The following RABEP1 variants were observed in gnomAD, a reference collection of about 807,000 sequenced individuals.
The protein encoded by RABEP1 is rab GTPase-binding effector protein 1.
Under a neutral mutation model 123.4 loss-of-function variants are expected in RABEP1, and 51 were observed. That is an observed-to-expected ratio of 0.41 (90% CI 0.33 to 0.52). The LOEUF (loss-of-function observed/expected upper bound fraction) is 0.52. Ranked by LOEUF, RABEP1 falls within the 20% of genes least tolerant of loss-of-function variation. The pLI is 0.16. For synonymous variants in RABEP1, 347 were observed against 355.2 expected, an observed-to-expected ratio of 0.98 and a Z score of 0.26; for missense variants, 888 against 996.3, an observed-to-expected ratio of 0.89 and a Z score of 1.46.
intron 4 of RABEP1, among the ~76,000 whole-genome samples, chr17:5,337,391 A>G (rs1302850417): frequency 6.6e-6 from 1 of 152,182 alleles, no homozygotes; most frequent in Non-Finnish European, 1.5e-5. Context: ...AATTTTAAAA[A>G]TTATTTATTA....
chr17:5,326,251 C>T (rs527766326), intron 2 of RABEP1, among the ~76,000 whole-genome samples: 16 of 152,206 alleles, frequency 1.1e-4, no homozygotes, highest in African/African-American at 3.4e-4. Flanking sequence ...AGATGTCCTT[C>T]AATAGGTTAA....
chr17:5,343,633 CTTG>C (rs891433427), intron 5 of RABEP1, among the ~76,000 whole-genome samples: 1 of 149,266 alleles, frequency 6.7e-6, no homozygotes, highest in African/African-American at 2.5e-5. Context: ...CTCTCTCCAC[CTTG>C]TTGTCTTCAA....
intron 2 of RABEP1, among the ~76,000 whole-genome samples, chr17:5,311,193 G>T (rs559375170): frequency 6.6e-6 from 1 of 152,292 alleles, no homozygotes; most frequent in African/African-American, 2.4e-5. Context: ...ACTCACTAGG[G>T]CACTGGGATC....
chr17:5,386,147 A>G lies in RABEP1; in HGVS notation c.*2924A>G, dbSNP rs374583037. 9 of 1,275,208 alleles carry G rather than the reference A, an allele frequency of 7.1e-6. No homozygotes were observed. The highest frequency in any genetic ancestry group is 4.4e-5 in the Admixed American group (2 of 45,968). The allele number at this position is 1,275,208 out of a possible 1,614,324, so 79.0% of individuals were successfully genotyped here. Reference sequence around the variant, plus strand: ...AATTAGATAATTCTACCTGTTTTACAATATGGGTTTAAGCCTTCAATGGTG... The same window carrying G: ...AATTAGATAATTCTACCTGTTTTACGATATGGGTTTAAGCCTTCAATGGTG... On this transcript the variant is annotated 3_prime_UTR_variant, in exon 18 of 18. Transcript: ENST00000537505.
At chr17:5,340,122 A>G (rs994733124) in intron 5 of RABEP1, among the ~76,000 whole-genome samples, 1 of 152,238 alleles carries the variant, frequency 6.6e-6, no homozygotes, top group African/African-American at 2.4e-5. Flanking sequence ...AATTATTAGT[A>G]GAGCTATAGA....
At position 5,381,442 on chromosome 17, in the gene RABEP1, G is replaced by A. The variant is rs373053621; in HGVS notation, c.2424G>A (p.Gln808=). The A allele has an allele frequency of 1.2e-6, 2 of 1,613,568 alleles. No individual in the cohort carries two copies. Among genetic ancestry groups the A allele is most frequent in the African/African-American group, 2.7e-5 (2 of 74,910 alleles). The part of the protein sequence containing the change: ...FEEKNKAQRL[Q]TELDVSEQVQ... ...AGAAGAATAAAGCTCAGAGATTACA[G>A]ACAGAATTAGATGTCAGTGAGCAAG... is the stretch of plus-strand genomic sequence containing the variant. The change falls in exon 17 of 18, where the codon CAG becomes CAA. Residue 808 remains glutamine (Q), a synonymous_variant. Coordinates refer to ENST00000537505, the MANE Select transcript of RABEP1 (RefSeq NM_004703.6).
intron 1 of RABEP1, among the ~76,000 whole-genome samples, chr17:5,303,388 C>T (rs1469499139): frequency 2.0e-5 from 3 of 152,042 alleles, no homozygotes; most frequent in African/African-American, 7.2e-5. Flanking sequence ...ATGACAGGCA[C>T]GCACTATCAC....
Position 5,354,471 on chromosome 17 carries a change from C to T in RABEP1, c.1076C>T (p.Ala359Val). ...VCALTQEESS[A>V]QLSNEEEHLD... is the part of the protein sequence containing the mutation. ...GCTTTAACTCAAGAAGAATCTTCAG[C>T]CCAGTTATCAAATGAAGAGGTATAG... The change falls in exon 8 of 18, where the codon GCC (alanine) becomes GTC (valine). Residue 359 changes from alanine (A) to valine (V), a missense_variant. Transcript: ENST00000537505. 1.2e-6 allele frequency: 2 copies of T among 1,611,090 alleles called. No homozygotes were observed.
Position 5,380,425 on chromosome 17 carries a change from G to A in RABEP1, c.2333G>A (p.Ser778Asn). ...QLESLQEIKI[S>N]LEEQLKKETA... ...GAGAGTCTTCAGGAAATAAAGATCA[G>A]TTTGGAAGAGCAGTTAAAGAAAGAG... The change falls in exon 16 of 18, where the codon AGT becomes AAT. Residue 778 changes from serine (S) to asparagine (N), a missense_variant. Transcript: ENST00000537505. The A allele has an allele frequency of 1.9e-6, 3 of 1,567,680 alleles. No homozygotes were observed. Among genetic ancestry groups the A allele is most frequent in the Non-Finnish European group, 8.7e-7 (1 of 1,154,482 alleles).
chr17:5,339,671 C>T (rs902619525), intron 5 of RABEP1, among the ~76,000 whole-genome samples: 7 of 85,078 alleles, frequency 8.2e-5, no homozygotes, highest in Non-Finnish European at 1.4e-4. Flanking sequence ...GGTGGCCACG[C>T]GCCTTGTAGT....
At chr17:5,368,283 C>T in intron 11 of RABEP1, 87 bp from the exon 12 acceptor site, 1 of 919,212 alleles carries the variant, frequency 1.1e-6, no homozygotes, top group Non-Finnish European at 1.7e-6. Flanking sequence ...ATGTCAATTC[C>T]AGACACTAAA....
At chr17:5,295,607 A>G (rs1288387081) in intron 1 of RABEP1, among the ~76,000 whole-genome samples, 1 of 152,136 alleles carries the variant, frequency 6.6e-6, no homozygotes, top group South Asian at 2.1e-4. Context: ...ACATACATTT[A>G]AAATTTGATA....
At chr17:5,305,065 G>A (rs2075168319) in intron 1 of RABEP1, among the ~76,000 whole-genome samples, 1 of 152,078 alleles carries the variant, frequency 6.6e-6, no homozygotes, top group Admixed American at 6.5e-5. Flanking sequence ...AAATAATACA[G>A]CATTTTGTGT....
intron 4 of RABEP1, among the ~76,000 whole-genome samples, chr17:5,336,900 A>G (rs1907142088): frequency 6.6e-6 from 1 of 152,168 alleles, no homozygotes; most frequent in African/African-American, 2.4e-5. Context: ...TTTGGGGAAA[A>G]TCCCCCTCAC....
At chr17:5,354,553 A>T (rs1250167281) in intron 8 of RABEP1, 63 bp downstream of exon 8, 2 of 1,457,324 alleles carry the variant, frequency 1.4e-6, no homozygotes, top group Non-Finnish European at 1.9e-6. Context: ...GCTTACTCAT[A>T]CATCAGTTAA....
At chr17:5,373,693 A>AACACACAC (rs55736303) in intron 13 of RABEP1, among the ~76,000 whole-genome samples, 9,994 of 135,178 alleles carry the variant, frequency 0.074, 527 homozygotes, top group Non-Finnish European at 0.094. Flanking sequence ...ACACCAGCTA[A>AACACACAC]ACACACACAC....
chr17:5,328,340 TAATGCTTTATAGCATTA>T (rs1906174092), intron 2 of RABEP1, among the ~76,000 whole-genome samples: 1 of 152,166 alleles, frequency 6.6e-6, no homozygotes, highest in South Asian at 2.1e-4. Context: ...AAGTAGTTTA[TAATGCTTTATAGCATTA>T]GTATAGGCCA....
In RABEP1 at chr17:5,295,284, G is replaced by A. The variant is rs928612464; in HGVS notation, c.34+12764G>A. ...CACCTGTAATCCCAGCTATTTGAGA[G>A]AGGCTTAGGCAGGACAATCCCTTGA... On this transcript the variant is annotated intron_variant, in intron 1 of 17. Coordinates refer to ENST00000537505, the MANE Select transcript of RABEP1 (RefSeq NM_004703.6). Among the ~76,000 whole-genome samples the A allele has an allele frequency of 1.2e-4, 18 of 151,748 alleles. No individual in the cohort carries two copies. In the South Asian group the frequency reaches 3.1e-3, roughly 26 times the overall value.
chr17:5,316,458 A>AAAAG (rs2075296514), intron 2 of RABEP1, among the ~76,000 whole-genome samples: 1 of 145,100 alleles, frequency 6.9e-6, no homozygotes, highest in Non-Finnish European at 1.5e-5. Context: ...TCAAAAAAAA[A>AAAAG]AAAAAAAAAA....
Sources: allele counts gnomAD v4.1 joint callset (sites outside exome capture counted in the v4.1 genomes callset), GRCh38; gene constraint gnomAD v4.1.1; transcripts MANE v1.5; gene names NCBI Gene and HGNC (gene_info 2026-07-23, HGNC 2026-07-21).